Variants in GPHN observed in about 807,000 individuals in gnomAD.
GPHN encodes gephyrin.
In GPHN, 17 loss-of-function variants were observed where a neutral mutation model predicts 95.5. The observed-to-expected ratio is 0.18, with a 90% CI of 0.12 to 0.27. GPHN has a LOEUF of 0.27. GPHN is among the 10% of genes least tolerant of loss of function. The pLI is 1.00. For missense variants in GPHN, 660 were observed against 978.1 expected (o/e 0.67, Z 4.34); for synonymous variants, 320 against 322.5 (o/e 0.99, Z 0.08).
chr14:67,228,788 T>C, the GPHN span, among the ~76,000 whole-genome samples: 4 of 152,222 alleles, frequency 2.6e-5, no homozygotes, highest in African/African-American at 4.8e-5. Flanking sequence ...TTGGAGAATG[T>C]GAGGTCATTC....
At chr14:66,969,344 A>C (rs1284272790) in intron 9 of GPHN, 1 of 152,218 alleles carries the variant, frequency 6.6e-6, no homozygotes, top group Non-Finnish European at 1.5e-5. Flanking sequence ...AGAAGTATAG[A>C]CAATATCTAG....
At chr14:66,824,213 C>T (rs1258267530) in intron 3 of GPHN, among the ~76,000 whole-genome samples, 3 of 152,078 alleles carry the variant, frequency 2.0e-5, no homozygotes, top group Non-Finnish European at 2.9e-5. Context: ...TCTTTATTTA[C>T]GGTTTTCTTA....
the GPHN span, chr14:67,380,744 C>T: frequency 6.5e-7 from 1 of 1,546,910 alleles, no homozygotes; most frequent in Non-Finnish European, 8.7e-7. Context: ...CTTGACCCCA[C>T]AGGCTGTCAA....
At chr14:67,430,106 C>T in the GPHN span, among the ~76,000 whole-genome samples, 2 of 152,202 alleles carry the variant, frequency 1.3e-5, no homozygotes, top group Non-Finnish European at 2.9e-5. Context: ...GAGCCCGAAC[C>T]TGGCTATGCC....
At chr14:66,579,109 T>A (rs2061038632) in intron 1 of GPHN, among the ~76,000 whole-genome samples, 1 of 151,874 alleles carries the variant, frequency 6.6e-6, no homozygotes, top group African/African-American at 2.4e-5. Flanking sequence ...TTCTTGTGTG[T>A]TATTGAAGTT....
the GPHN span, among the ~76,000 whole-genome samples, chr14:67,438,860 CAAAAAAAAAAAA>C: frequency 5.4e-5 from 3 of 56,048 alleles, no homozygotes; most frequent in Non-Finnish European, 1.3e-4. Context: ...GACTCCGTCT[CAAAAAAAAAAAA>C]AAAAAAAAAA....
At chr14:67,722,892 G>A in the GPHN span, among the ~76,000 whole-genome samples, 4,496 of 152,286 alleles carry the variant, frequency 0.03, 93 homozygotes, top group Middle Eastern at 0.048. Context: ...AAGCATCTGC[G>A]GCCGGGCAGA....
chr14:67,692,004 T>C, the GPHN span: 1 of 156,120 alleles, frequency 6.4e-6, no homozygotes, highest in Non-Finnish European at 1.4e-5. Flanking sequence ...CTTTGTCATG[T>C]CTCTGAGCTG....
intron 2 of GPHN, among the ~76,000 whole-genome samples, chr14:66,699,896 A>G (rs1172754559): frequency 2.0e-5 from 3 of 152,212 alleles, no homozygotes; most frequent in Non-Finnish European, 4.4e-5. Flanking sequence ...TGAAGAAGCT[A>G]TGCCGAAGGA....
At chr14:67,552,413 A>C in the GPHN span, among the ~76,000 whole-genome samples, 7 of 152,232 alleles carry the variant, frequency 4.6e-5, no homozygotes, top group African/African-American at 1.4e-4. Context: ...GAGAAAAAAG[A>C]ATACTGCAAC....
At chr14:66,648,212 C>A (rs2064855776) in intron 1 of GPHN, among the ~76,000 whole-genome samples, 1 of 151,884 alleles carries the variant, frequency 6.6e-6, no homozygotes, top group Non-Finnish European at 1.5e-5. Flanking sequence ...GACACGTATT[C>A]AGGAAAAAAT....
At chr14:67,360,371 G>C in the GPHN span, 3 of 396,816 alleles carry the variant, frequency 7.6e-6, no homozygotes, top group Non-Finnish European at 1.3e-5. Flanking sequence ...GAGGATCGGC[G>C]GCCGGTGAGG....
the GPHN span, chr14:67,726,983 C>G: frequency 1.3e-5 from 21 of 1,612,224 alleles, no homozygotes; most frequent in Non-Finnish European, 1.7e-5. Flanking sequence ...CCTCACAGGC[C>G]ACTTCCTCCT....
the GPHN span, among the ~76,000 whole-genome samples, chr14:67,254,033 C>CT: frequency 7.0e-6 from 1 of 142,986 alleles, no homozygotes; most frequent in African/African-American, 2.6e-5. Context: ...CATCCCCCCC[C>CT]CCTTACAAGT....
chr14:67,645,647 G>T, the GPHN span: 1 of 1,612,276 alleles, frequency 6.2e-7, no homozygotes, highest in East Asian at 2.2e-5. Context: ...TTGCAGCCTG[G>T]CAATCGGTAC....
the GPHN span, chr14:67,205,228 G>A: frequency 2.4e-6 from 2 of 834,846 alleles, no homozygotes; most frequent in Non-Finnish European, 3.6e-6. Flanking sequence ...TTTTAATAGT[G>A]AGATTAAATC....
the GPHN span, among the ~76,000 whole-genome samples, chr14:67,419,475 G>C: frequency 6.6e-6 from 1 of 152,168 alleles, no homozygotes; most frequent in Non-Finnish European, 1.5e-5. Context: ...AGGCAAATGG[G>C]GGCCGGAGGT....
the GPHN span, among the ~76,000 whole-genome samples, chr14:67,681,476 A>C: frequency 5.9e-5 from 9 of 152,174 alleles, no homozygotes; most frequent in African/African-American, 2.2e-4. Flanking sequence ...CCCCTACCTC[A>C]TATCATATAC....
At chr14:67,494,659 A>C in the GPHN span, among the ~76,000 whole-genome samples, 1 of 152,240 alleles carries the variant, frequency 6.6e-6, no homozygotes, top group South Asian at 2.1e-4. Context: ...GGTACATCCC[A>C]CCCTCCTGTC....
Sources: allele counts gnomAD v4.1 joint callset (sites outside exome capture counted in the v4.1 genomes callset), GRCh38; gene constraint gnomAD v4.1.1; transcripts MANE v1.5; gene names NCBI Gene and HGNC (gene_info 2026-07-23, HGNC 2026-07-21).